The following GLT1D1 variants were observed in gnomAD, a reference collection of about 807,000 sequenced individuals.
GLT1D1 encodes the protein glycosyltransferase 1 domain-containing protein 1.
Under a neutral mutation model 28.7 loss-of-function variants are expected in GLT1D1, and 21 were observed. That is an observed-to-expected ratio of 0.73 (90% CI 0.52 to 1.05). The LOEUF is 1.05. Among genes scored for constraint, GLT1D1 ranks in the 50% least tolerant of loss-of-function variants. The pLI, the probability that GLT1D1 is intolerant of heterozygous loss-of-function variation, is 0.00. For synonymous variants in GLT1D1, 147 were observed against 124.8 expected (o/e 1.18, Z -1.19); for missense variants, 343 against 330.6 (o/e 1.04, Z -0.29).
At chr12:128,976,233 G>C (rs1183394778) in intron 7 of GLT1D1, among the ~76,000 whole-genome samples, 1 of 152,182 alleles carries the variant, frequency 6.6e-6, no homozygotes, top group East Asian at 1.9e-4. Flanking sequence ...GGTTGCCTTA[G>C]ACCTGTCAGG....
At chr12:128,891,998 G>A (rs2135836236) in intron 3 of GLT1D1, among the ~76,000 whole-genome samples, 1 of 152,292 alleles carries the variant, frequency 6.6e-6, no homozygotes, top group African/African-American at 2.4e-5. Flanking sequence ...GTTCGGTCTG[G>A]AAAGGCGGGA....
intron 4 of GLT1D1, among the ~76,000 whole-genome samples, chr12:128,942,737 TTGTTTGTTTTTGTTTTTTG>T (rs1238910810): frequency 1.3e-4 from 12 of 93,982 alleles, no homozygotes; most frequent in African/African-American, 5.4e-4. Flanking sequence ...TTTTCTTTGT[TTGTTTGTTTTTGTTTTTTG>T]TTTTTTTTTT....
intron 1 of GLT1D1, among the ~76,000 whole-genome samples, chr12:128,870,723 G>A (rs930535933): frequency 7.9e-5 from 12 of 152,112 alleles, no homozygotes; most frequent in African/African-American, 2.2e-4. Flanking sequence ...TGGGCACGGC[G>A]GCACACGCAT....
intron 2 of GLT1D1, among the ~76,000 whole-genome samples, chr12:128,878,377 A>G (rs1434884216): frequency 6.6e-6 from 1 of 152,248 alleles, no homozygotes; most frequent in Non-Finnish European, 1.5e-5. Context: ...AAAGTCTTCA[A>G]TAAATAAATG....
At chr12:128,906,770 C>T (rs969726338) in intron 4 of GLT1D1, 1 of 465,976 alleles carries the variant, frequency 2.1e-6, no homozygotes, top group Non-Finnish European at 3.8e-6. Context: ...CCTTCTGGGG[C>T]CTAATTTATC....
At position 128,899,404 on chromosome 12, in the gene GLT1D1, C is replaced by T. The variant is rs1163180253; in HGVS notation, c.375+117C>T. ...TCCCATGGACGGTGCCTGTTGCGGCCACAATAGTGTATTATGTTTCCCATA... is the reference window on the plus strand; with the variant it reads ...TCCCATGGACGGTGCCTGTTGCGGCTACAATAGTGTATTATGTTTCCCATA... On this transcript the variant is annotated intron_variant, in intron 4 of 7. Transcript: ENST00000281703. The T allele has an allele frequency of 1.2e-5, 10 of 818,608 alleles. No individual in the cohort carries two copies. The East Asian group carries it at 2.4e-4, about 20-fold the overall frequency. The allele number at this position is 818,608 out of a possible 1,614,324, so 50.7% of individuals were successfully genotyped here.
At chr12:128,922,853 G>A (rs1872779932) in intron 4 of GLT1D1, among the ~76,000 whole-genome samples, 1 of 147,374 alleles carries the variant, frequency 6.8e-6, no homozygotes, top group South Asian at 2.1e-4. Context: ...AACCCAAGAG[G>A]CAGAGGTTGC....
Position 128,927,160 on chromosome 12 carries a change from T to G in GLT1D1, c.376-18166T>G. On this transcript the variant is annotated intron_variant, in intron 4 of 7. Transcript: ENST00000281703. ...TGGTGATTGTGGGTCCTGAAGTAAG[T>G]TGATGTGCAGTAAACACTTATCTCA... The G allele has an allele frequency of 6.5e-7, 1 of 1,530,950 alleles. No homozygotes were observed. Among genetic ancestry groups the G allele is most frequent in the Non-Finnish European group, 8.8e-7 (1 of 1,142,176 alleles). The allele number at this position is 1,530,950 out of a possible 1,614,324, so 94.8% of individuals were successfully genotyped here.
chr12:128,866,067 C>CT lies in GLT1D1; in HGVS notation c.69-9829dup, dbSNP rs1208489895. Among the ~76,000 whole-genome samples, 397 of 133,474 alleles carry CT rather than the reference C, an allele frequency of 3.0e-3. 4 individuals are homozygous for CT. Among genetic ancestry groups the CT allele is most frequent in the Middle Eastern group, 0.012 (3 of 260 alleles). 87.6% of individuals were successfully genotyped at this position (133,474 alleles called of 152,430 possible). On this transcript the variant is annotated intron_variant, in intron 1 of 7. Transcript: ENST00000281703. ...CACAGATTCCCAGGGGTGATTGTAC[C>CT]TTTTTTTTTTTTTTTTTTGAGACAG... is the stretch of plus-strand genomic sequence containing the variant.
intron 4 of GLT1D1, chr12:128,926,391 T>G: frequency 6.5e-7 from 1 of 1,531,470 alleles, no homozygotes; most frequent in Non-Finnish European, 8.7e-7. Flanking sequence ...TTTGCACATA[T>G]TTCTTCTGAT....
intron 2 of GLT1D1, among the ~76,000 whole-genome samples, chr12:128,879,448 T>TTCTC (rs1226989390): frequency 3.2e-5 from 4 of 126,800 alleles, no homozygotes; most frequent in Non-Finnish European, 6.6e-5. Flanking sequence ...CTTTCTTTCT[T>TTCTC]TCTTTCTTTC....
Position 128,944,954 on chromosome 12 carries a change from G to A in GLT1D1, c.376-372G>A, listed in dbSNP as rs536802671. The A allele has an allele frequency of 4.2e-4, 221 of 531,650 alleles. 1 individual carries two copies. Among genetic ancestry groups the A allele is most frequent in the Non-Finnish European group, 1.2e-4 (37 of 298,426 alleles). The allele number at this position is 531,650 out of a possible 1,614,324, so 32.9% of individuals were successfully genotyped here. ...TAACGCTATCCCTCCTCCAGCCCCC[G>A]ACCCCCAACAGGCCCCGGTGTGTGA... On this transcript the variant is annotated intron_variant, in intron 4 of 7. Transcript: ENST00000281703.
At chr12:128,948,342 C>G (rs1014534064) in intron 6 of GLT1D1, among the ~76,000 whole-genome samples, 1 of 152,160 alleles carries the variant, frequency 6.6e-6, no homozygotes, top group Non-Finnish European at 1.5e-5. Flanking sequence ...GCCCTGGGGG[C>G]TCCTGAAGAA....
At chr12:128,945,426 G>A in intron 5 of GLT1D1, 57 bp downstream of exon 9, 1 of 1,365,160 alleles carries the variant, frequency 7.3e-7, no homozygotes, top group Non-Finnish European at 1.1e-6. Context: ...GTGGCCCCTG[G>A]GTTACCTGAA....
rs562272765 is a variant in GLT1D1, at chr12:128,983,443, T to C, written c.*353T>C. 9 of 193,134 alleles carry C rather than the reference T, an allele frequency of 4.7e-5. No individual in the cohort carries two copies. The highest frequency in any genetic ancestry group is 1.6e-4 in the African/African-American group (7 of 43,382). The allele number at this position is 193,134 out of a possible 1,614,324, so 12.0% of individuals were successfully genotyped here. A position where few individuals can be genotyped will look rare whatever the true frequency, so the allele number is the denominator to read the frequency against. On this transcript the variant is annotated 3_prime_UTR_variant, in exon 8 of 8. Coordinates refer to ENST00000281703, the MANE Select transcript of GLT1D1 (RefSeq NM_144669.3). The surrounding 1 kb of genome is among the most constrained non-coding windows in gnomAD (Gnocchi z 4.7). The stretch of plus-strand genomic sequence containing the variant: ...ATAGAGGCTTATTTTCAAGCAGTCA[T>C]GGTTCAGACTCCTCCCGCCTGCCTT...
Position 128,973,245 on chromosome 12 carries a change from C to G in GLT1D1, c.640-9684C>G, listed in dbSNP as rs185871682. On this transcript the variant is annotated intron_variant, in intron 7 of 7. Transcript: ENST00000281703. ...TTGCCCGGGCTGGAGTCCAGTGACA[C>G]GATATTGGCTCATTGTAACCTCCGC... Among the ~76,000 whole-genome samples the G allele has an allele frequency of 3.9e-3, 490 of 126,986 alleles. 1 individual carries two copies. Among genetic ancestry groups the G allele is most frequent in the Non-Finnish European group, 6.1e-3 (383 of 63,082 alleles). 83.3% of individuals were successfully genotyped at this position (126,986 alleles called of 152,430 possible). A position where few individuals can be genotyped will look rare whatever the true frequency, so the allele number is the denominator to read the frequency against.
intron 2 of GLT1D1, among the ~76,000 whole-genome samples, chr12:128,879,269 A>C (rs1446118665): frequency 6.6e-6 from 1 of 152,180 alleles, no homozygotes; most frequent in Non-Finnish European, 1.5e-5. Context: ...TATTAAGACC[A>C]GAATCCATTA....
At chr12:128,914,973 C>T in intron 4 of GLT1D1, 1 of 1,535,822 alleles carries the variant, frequency 6.5e-7, no homozygotes. Flanking sequence ...ACTGGAATAC[C>T]TTTCTTCAAC....
At position 128,982,985 on chromosome 12, in the gene GLT1D1, C is replaced by G. The variant is rs78799732; in HGVS notation, c.696C>G (p.Ile232Met). Reference sequence around the variant, plus strand: ...GTGATCCTGCATTAGAAAAGGAAATCGTAGTGAACGGAAGGGAATACGTGA... The same window carrying G: ...GTGATCCTGCATTAGAAAAGGAAATGGTAGTGAACGGAAGGGAATACGTGA... Residue 232 changes from isoleucine (I) to methionine (M), a missense_variant, in exon 8 of 8, where the codon ATC (isoleucine) becomes ATG (methionine). Coordinates refer to ENST00000281703, the MANE Select transcript of GLT1D1 (RefSeq NM_144669.3). 2.9e-4 allele frequency: 473 copies of G among 1,613,804 alleles called. 1 individual carries two copies. In the African/African-American group the frequency reaches 5.6e-3, roughly 19 times the overall value.
Sources: allele counts gnomAD v4.1 joint callset (sites outside exome capture counted in the v4.1 genomes callset), GRCh38; gene constraint gnomAD v4.1.1; non-coding constraint Gnocchi (gnomAD v3.1); transcripts MANE v1.5; gene names NCBI Gene and HGNC (gene_info 2026-07-23, HGNC 2026-07-21).